Variants in PKP4 observed in about 807,000 individuals in gnomAD.
The protein encoded by PKP4 is plakophilin-4.
Under a neutral mutation model 145.1 loss-of-function variants are expected in PKP4, and 90 were observed. That is an observed-to-expected ratio of 0.62 (90% CI 0.52 to 0.74). The LOEUF is 0.74. Among genes scored for constraint, PKP4 ranks in the 30% least tolerant of loss-of-function variants. The pLI is 0.00. For missense variants in PKP4, 1,340 were observed against 1,482.7 expected (o/e 0.90, Z 1.58); for synonymous variants, 563 against 577.2 (o/e 0.98, Z 0.35).
intron 2 of PKP4, among the ~76,000 whole-genome samples, chr2:158,540,533 T>G (rs1463100596): frequency 1.3e-5 from 2 of 152,146 alleles, no homozygotes; most frequent in Non-Finnish European, 2.9e-5. Context: ...TTTCATATAG[T>G]TTCTACTCTC....
At chr2:158,537,405 C>T (rs1348881587) in intron 2 of PKP4, among the ~76,000 whole-genome samples, 2 of 152,088 alleles carry the variant, frequency 1.3e-5, no homozygotes, top group Non-Finnish European at 2.9e-5. Context: ...ACAAAATATC[C>T]ACCAGTGTTA....
intron 7 of PKP4, among the ~76,000 whole-genome samples, chr2:158,629,391 C>T (rs186426651): frequency 1.3e-5 from 2 of 152,196 alleles, no homozygotes; most frequent in East Asian, 1.9e-4. Flanking sequence ...CTAATGGGGG[C>T]GAATCACATT....
intron 4 of PKP4, among the ~76,000 whole-genome samples, chr2:158,604,971 G>T (rs545935008): frequency 4.6e-5 from 7 of 152,138 alleles, no homozygotes; most frequent in Non-Finnish European, 1.0e-4. Flanking sequence ...ATTCTTGGGA[G>T]GTAATGAGAG....
At chr2:158,645,849 T>C (rs975205840) in intron 11 of PKP4, among the ~76,000 whole-genome samples, 4 of 152,226 alleles carry the variant, frequency 2.6e-5, no homozygotes, top group African/African-American at 7.2e-5. Flanking sequence ...AAGTACATGA[T>C]TGTGTGCTCT....
chr2:158,511,266 A>G (rs1183427887), intron 1 of PKP4, among the ~76,000 whole-genome samples: 1 of 152,124 alleles, frequency 6.6e-6, no homozygotes, highest in Non-Finnish European at 1.5e-5. Context: ...CACACCTGTA[A>G]TCCCAGCTAC....
chr2:158,668,711 A>G (rs1391418570), intron 16 of PKP4, among the ~76,000 whole-genome samples: 1 of 151,722 alleles, frequency 6.6e-6, no homozygotes, highest in Non-Finnish European at 1.5e-5. Context: ...CTGTTTTTCC[A>G]CTCTTCATAG....
intron 1 of PKP4, among the ~76,000 whole-genome samples, chr2:158,529,448 C>T (rs923170021): frequency 6.6e-6 from 1 of 152,204 alleles, no homozygotes; most frequent in Non-Finnish European, 1.5e-5. Context: ...TTCACATCCT[C>T]CCTGTCCCCT....
chr2:158,601,255 T>C (rs2050203139), intron 3 of PKP4, among the ~76,000 whole-genome samples: 1 of 152,178 alleles, frequency 6.6e-6, no homozygotes, highest in Admixed American at 6.5e-5. Context: ...AAAGTTGATA[T>C]AAGTTTCAAA....
intron 3 of PKP4, among the ~76,000 whole-genome samples, chr2:158,601,378 T>A (rs1291358006): frequency 1.3e-5 from 2 of 152,168 alleles, no homozygotes; most frequent in Non-Finnish European, 2.9e-5. Flanking sequence ...ATATGATCCT[T>A]TTGAGGAAAC....
chr2:158,486,830 G>T (rs866037780), intron 1 of PKP4, among the ~76,000 whole-genome samples: 10 of 152,344 alleles, frequency 6.6e-5, no homozygotes, highest in South Asian at 6.2e-4. Flanking sequence ...AGCATGAGCA[G>T]CTTGAGGCTG....
intron 4 of PKP4, among the ~76,000 whole-genome samples, chr2:158,615,866 C>T (rs1215645884): frequency 5.3e-5 from 8 of 152,000 alleles, no homozygotes; most frequent in African/African-American, 1.2e-4. Flanking sequence ...ACTTTTTAGA[C>T]GGGTAAAATT....
chr2:158,545,904 T>C (rs1049583419), intron 2 of PKP4, among the ~76,000 whole-genome samples: 3 of 152,208 alleles, frequency 2.0e-5, no homozygotes, highest in African/African-American at 7.2e-5. Context: ...ACAGTGCCTT[T>C]TAAAAATATT....
intron 2 of PKP4, among the ~76,000 whole-genome samples, chr2:158,548,080 A>G (rs1252169099): frequency 6.6e-6 from 1 of 152,220 alleles, no homozygotes; most frequent in East Asian, 1.9e-4. Context: ...TTTGAATGGC[A>G]GACAGGGATT....
At chr2:158,558,691 G>C (rs959095872) in intron 2 of PKP4, among the ~76,000 whole-genome samples, 1 of 152,150 alleles carries the variant, frequency 6.6e-6, no homozygotes, top group Non-Finnish European at 1.5e-5. Flanking sequence ...AAGGGAAACA[G>C]GAACTGTCTG....
intron 2 of PKP4, among the ~76,000 whole-genome samples, chr2:158,551,500 A>C (rs142828898): frequency 6.6e-6 from 1 of 152,172 alleles, no homozygotes; most frequent in Admixed American, 6.5e-5. Context: ...CCCTTCCTCA[A>C]CCTAAAGACT....
Position 158,533,177 on chromosome 2 carries a change from C to T in PKP4, c.-5-3C>T, listed in dbSNP as rs1433107429. On this transcript the variant is annotated splice_region_variant and splice_polypyrimidine_tract_variant and intron_variant, in intron 1 of 21. Transcript: ENST00000389759. ...TGTTAACCCTTTGCCTGCTTGATTG[C>T]AGGAGGAATGCCAGCTCCTGAGCAG... 2 of 1,608,046 alleles carry T rather than the reference C, an allele frequency of 1.2e-6. No individual in the cohort carries two copies. Among genetic ancestry groups the T allele is most frequent in the East Asian group, 4.5e-5 (2 of 44,780 alleles).
At chr2:158,540,180 G>C (rs185689851) in intron 2 of PKP4, among the ~76,000 whole-genome samples, 1 of 152,152 alleles carries the variant, frequency 6.6e-6, no homozygotes, top group Non-Finnish European at 1.5e-5. Context: ...TATATATTCA[G>C]AATAACTTAG....
At chr2:158,572,204 A>G (rs1309121510) in intron 2 of PKP4, among the ~76,000 whole-genome samples, 1 of 152,212 alleles carries the variant, frequency 6.6e-6, no homozygotes, top group Non-Finnish European at 1.5e-5. Context: ...ATAAACCATA[A>G]ACAAGACACA....
intron 3 of PKP4, among the ~76,000 whole-genome samples, chr2:158,598,041 G>A (rs548091894): frequency 6.6e-6 from 1 of 152,040 alleles, no homozygotes; most frequent in Non-Finnish European, 1.5e-5. Flanking sequence ...GCCCCGGCTG[G>A]TCTCAAACAT....
Sources: gnomAD v4.1 joint callset for allele counts (sites outside exome capture counted in the v4.1 genomes callset) on GRCh38, gnomAD v4.1.1 for gene constraint, MANE v1.5 for transcripts, NCBI Gene and HGNC (gene_info 2026-07-23, HGNC 2026-07-21) for gene names.